Variants in ANO10 observed in about 807,000 individuals in gnomAD.
The protein encoded by ANO10 is anoctamin-10.
ANO10 carries 77 observed loss-of-function variants against 74.7 expected under a neutral mutation model. The ratio of observed to expected loss-of-function variants is 1.03; its 90% CI spans 0.86 to 1.25. The LOEUF is 1.25. Ranked by LOEUF, ANO10 falls within the 50% of genes most tolerant of loss-of-function variation. The probability of loss-of-function intolerance (pLI) is 0.00; values close to 1 mark genes in which losing one functional copy is unlikely to be tolerated. For synonymous variants in ANO10, 279 were observed against 284.9 expected (o/e 0.98, Z 0.21); for missense variants, 721 against 778.1 (o/e 0.93, Z 0.87).
upstream of ANO10, among the ~76,000 whole-genome samples, chr3:43,622,734 G>A (rs570998441): frequency 3.9e-5 from 6 of 152,078 alleles, no homozygotes; most frequent in African/African-American, 1.4e-4. Flanking sequence ...CTCCCTCAGT[G>A]TTTGCTGGGC....
chr3:43,464,426 T>C (rs1486890207), intron 11 of ANO10, among the ~76,000 whole-genome samples: 1 of 152,186 alleles, frequency 6.6e-6, no homozygotes, highest in Admixed American at 6.5e-5. Context: ...ACATCTGTAA[T>C]CCTAGCACTT....
chr3:43,663,598 T>C (rs2083952254), intron 1 of ANO10, among the ~76,000 whole-genome samples: 1 of 152,182 alleles, frequency 6.6e-6, no homozygotes, highest in African/African-American at 2.4e-5. Flanking sequence ...GGAATTCAAA[T>C]TGTCTCTGTT....
chr3:43,561,504 A>ATTGT, intron 8 of ANO10, 102 bp from the exon 9 acceptor site: 1 of 1,050,328 alleles, frequency 9.5e-7, no homozygotes, highest in Non-Finnish European at 1.4e-6. Flanking sequence ...TTATAGCATA[A>ATTGT]ATACAATTAT....
intron 11 of ANO10, among the ~76,000 whole-genome samples, chr3:43,460,429 A>T (rs2075327079): frequency 6.6e-6 from 1 of 152,232 alleles, no homozygotes; most frequent in South Asian, 2.1e-4. Flanking sequence ...AAACAAATTA[A>T]GTGAACTTTC....
chr3:43,442,505 T>C (rs1183667918), intron 11 of ANO10, among the ~76,000 whole-genome samples: 4 of 152,182 alleles, frequency 2.6e-5, no homozygotes, highest in Admixed American at 2.6e-4. Flanking sequence ...GCGTGTACAC[T>C]GAGACCACAA....
intron 12 of ANO10, among the ~76,000 whole-genome samples, chr3:43,368,822 C>T (rs115703023): frequency 3.1e-3 from 473 of 152,174 alleles, no homozygotes; most frequent in Non-Finnish European, 5.6e-3. Context: ...GCTGGGACTA[C>T]GGGCATGAGC....
chr3:43,651,655 T>A (rs921032203), intron 1 of ANO10, among the ~76,000 whole-genome samples: 1 of 152,184 alleles, frequency 6.6e-6, no homozygotes, highest in Non-Finnish European at 1.5e-5. Context: ...TTTCTGGAAG[T>A]CTTAACTCAT....
upstream of ANO10, among the ~76,000 whole-genome samples, chr3:43,622,787 T>C (rs997782768): frequency 6.6e-6 from 1 of 152,144 alleles, no homozygotes; most frequent in Non-Finnish European, 1.5e-5. Flanking sequence ...TCCTACTTAA[T>C]ACCTGTTCTC....
intron 11 of ANO10, among the ~76,000 whole-genome samples, chr3:43,533,757 C>T (rs1418860587): frequency 6.6e-6 from 1 of 152,174 alleles, no homozygotes; most frequent in African/African-American, 2.4e-5. Flanking sequence ...GGAAGAATTT[C>T]TCTTATTCTG....
chr3:43,499,709 C>A (rs566259986), intron 11 of ANO10, among the ~76,000 whole-genome samples: 2 of 151,678 alleles, frequency 1.3e-5, no homozygotes, highest in African/African-American at 4.8e-5. Context: ...GTTCTTATTA[C>A]CTAGAATTCT....
At chr3:43,589,712 A>G (rs1379040281) in intron 4 of ANO10, among the ~76,000 whole-genome samples, 1 of 152,168 alleles carries the variant, frequency 6.6e-6, no homozygotes, top group Admixed American at 6.5e-5. Context: ...TGATCTAACA[A>G]TTTCACTTCT....
intron 11 of ANO10, among the ~76,000 whole-genome samples, chr3:43,544,053 G>C (rs1363871682): frequency 6.6e-6 from 1 of 152,086 alleles, no homozygotes; most frequent in African/African-American, 2.4e-5. Flanking sequence ...AAGATATCAG[G>C]CCATTTCTAT....
intron 11 of ANO10, among the ~76,000 whole-genome samples, chr3:43,530,269 GCTTT>G (rs1376564200): frequency 3.3e-5 from 5 of 151,910 alleles, no homozygotes; most frequent in African/African-American, 9.7e-5. Context: ...TACAACAGAT[GCTTT>G]CTAACAGGAA....
At chr3:43,608,220 T>A (rs188788537) in intron 1 of ANO10, among the ~76,000 whole-genome samples, 1 of 152,276 alleles carries the variant, frequency 6.6e-6, no homozygotes, top group African/African-American at 2.4e-5. Context: ...CAAAGTACCT[T>A]GAAGGGCAAT....
intron 12 of ANO10, among the ~76,000 whole-genome samples, chr3:43,431,037 A>G (rs1436692642): frequency 6.6e-6 from 1 of 151,584 alleles, no homozygotes; most frequent in Non-Finnish European, 1.5e-5. Context: ...TTTATTTTTA[A>G]TAATTTATTT....
intron 11 of ANO10, among the ~76,000 whole-genome samples, chr3:43,542,963 T>C (rs1184722192): frequency 6.6e-6 from 1 of 152,182 alleles, no homozygotes; most frequent in Non-Finnish European, 1.5e-5. Context: ...GAGTTATACA[T>C]GTGTTATTTC....
At chr3:43,642,845 A>AT (rs78934141) in intron 1 of ANO10, among the ~76,000 whole-genome samples, 4,086 of 144,320 alleles carry the variant, frequency 0.028, 83 homozygotes, top group Non-Finnish European at 0.041. Flanking sequence ...ATTCACAGAC[A>AT]TTTTTTTTTT....
rs75699191 is a variant in ANO10, at chr3:43,531,440, T to C, written c.1797+18280A>G. Reference sequence around the variant, plus strand: ...TCAGATAAAGTTCTCTATCTTCTAATGTCTATGGAAGAGTCTTTTCTTGCA... The same window carrying C: ...TCAGATAAAGTTCTCTATCTTCTAACGTCTATGGAAGAGTCTTTTCTTGCA... On this transcript the variant is annotated intron_variant, in intron 11 of 12. Coordinates refer to ENST00000292246, the MANE Select transcript of ANO10 (RefSeq NM_018075.5). Among the ~76,000 whole-genome samples, 584 of 152,336 alleles carry C rather than the reference T, an allele frequency of 3.8e-3. 6 individuals are homozygous for C. Among genetic ancestry groups the C allele is most frequent in the African/African-American group, 0.013 (559 of 41,578 alleles).
chr3:43,466,473 A>G (rs2075632324), intron 11 of ANO10, among the ~76,000 whole-genome samples: 1 of 151,942 alleles, frequency 6.6e-6, no homozygotes, highest in South Asian at 2.1e-4. Context: ...ACACACATAT[A>G]TGGCAAGATG....
Sources: gnomAD v4.1 joint callset for allele counts (sites outside exome capture counted in the v4.1 genomes callset) on GRCh38, gnomAD v4.1.1 for gene constraint, MANE v1.5 for transcripts, NCBI Gene and HGNC (gene_info 2026-07-23, HGNC 2026-07-21) for gene names.